Variants in CNTNAP2 observed in about 807,000 individuals in gnomAD.
CNTNAP2 encodes contactin associated protein 2.
A neutral mutation model predicts 155.2 loss-of-function variants in CNTNAP2; 98 were observed. That is an observed-to-expected ratio of 0.63 (90% CI 0.54 to 0.75). The LOEUF (loss-of-function observed/expected upper bound fraction) is 0.75. CNTNAP2 is among the 30% of genes least tolerant of loss of function. The pLI, the probability that CNTNAP2 is intolerant of heterozygous loss-of-function variation, is 0.00. For synonymous variants in CNTNAP2, 651 were observed against 631.2 expected, an observed-to-expected ratio of 1.03 and a Z score of -0.47; for missense variants, 1,727 against 1,688.1, an observed-to-expected ratio of 1.02 and a Z score of -0.40.
intron 9 of CNTNAP2, among the ~76,000 whole-genome samples, chr7:147,386,436 C>T (rs190915992): frequency 6.6e-6 from 1 of 152,258 alleles, no homozygotes; most frequent in East Asian, 1.9e-4. Flanking sequence ...CACGCATTCA[C>T]CCCTCAAATG....
chr7:146,122,236 G>A (rs1295470894), intron 1 of CNTNAP2, among the ~76,000 whole-genome samples: 1 of 152,186 alleles, frequency 6.6e-6, no homozygotes, highest in South Asian at 2.1e-4. Context: ...TCTGCTGAAC[G>A]ATAGATAAAA....
intron 15 of CNTNAP2, among the ~76,000 whole-genome samples, chr7:148,066,750 A>T (rs1803273860): frequency 6.6e-6 from 1 of 151,992 alleles, no homozygotes; most frequent in African/African-American, 2.4e-5. Flanking sequence ...CGCCTGCCTC[A>T]ACCTCCCAAA....
chr7:146,851,047 C>T (rs112259125), intron 3 of CNTNAP2, among the ~76,000 whole-genome samples: 6 of 151,916 alleles, frequency 3.9e-5, no homozygotes, highest in East Asian at 3.9e-4. Flanking sequence ...TGCAGTTTCC[C>T]AATCTCTGCT....
At chr7:147,891,708 T>C (rs760249229) in intron 13 of CNTNAP2, among the ~76,000 whole-genome samples, 3 of 152,018 alleles carry the variant, frequency 2.0e-5, no homozygotes, top group Admixed American at 6.6e-5. Context: ...AATTAGAATA[T>C]AAACTTATAG....
intron 13 of CNTNAP2, among the ~76,000 whole-genome samples, chr7:147,696,134 ATC>A (rs1796157920): frequency 6.6e-6 from 1 of 152,156 alleles, no homozygotes; most frequent in African/African-American, 2.4e-5. Flanking sequence ...CAGTCTGACA[ATC>A]TCTGTCTTTT....
intron 9 of CNTNAP2, among the ~76,000 whole-genome samples, chr7:147,360,210 C>T (rs1796124607): frequency 6.6e-6 from 1 of 152,148 alleles, no homozygotes; most frequent in African/African-American, 2.4e-5. Flanking sequence ...TTTTCATAAA[C>T]TTTATTTATA....
At chr7:146,269,003 CAG>C (rs1800037619) in intron 1 of CNTNAP2, among the ~76,000 whole-genome samples, 1 of 152,134 alleles carries the variant, frequency 6.6e-6, no homozygotes, top group Non-Finnish European at 1.5e-5. Context: ...TGGCCTCTAA[CAG>C]AGATTCTTCA....
chr7:147,087,111 C>T (rs923527191), intron 4 of CNTNAP2, among the ~76,000 whole-genome samples: 3 of 152,160 alleles, frequency 2.0e-5, no homozygotes, highest in Admixed American at 2.0e-4. Context: ...ACCTCTCTTT[C>T]CATTCAAGCT....
intron 3 of CNTNAP2, among the ~76,000 whole-genome samples, chr7:146,843,216 G>T (rs1344564477): frequency 7.2e-6 from 1 of 139,814 alleles, no homozygotes; most frequent in Non-Finnish European, 1.5e-5. Flanking sequence ...GTTTCACCTT[G>T]TTAGCCAGGA....
At chr7:146,433,527 T>G (rs528331394) in intron 1 of CNTNAP2, among the ~76,000 whole-genome samples, 6 of 152,236 alleles carry the variant, frequency 3.9e-5, no homozygotes, top group African/African-American at 1.2e-4. Context: ...CAAATATGTG[T>G]GTACATATAT....
At chr7:147,307,667 A>C (rs868612603) in intron 9 of CNTNAP2, among the ~76,000 whole-genome samples, 1 of 152,158 alleles carries the variant, frequency 6.6e-6, no homozygotes, top group African/African-American at 2.4e-5. Context: ...CTCAAACTGT[A>C]ATTAGATTAA....
At chr7:146,168,962 C>T (rs1166675317) in intron 1 of CNTNAP2, among the ~76,000 whole-genome samples, 1 of 152,220 alleles carries the variant, frequency 6.6e-6, no homozygotes, top group East Asian at 1.9e-4. Context: ...CCCTCCTGCT[C>T]ACTCAGCTCC....
intron 1 of CNTNAP2, among the ~76,000 whole-genome samples, chr7:146,352,750 G>GTTTCTTTTTTTTT (rs1794934502): frequency 1.6e-5 from 1 of 64,338 alleles, no homozygotes; most frequent in African/African-American, 6.4e-5. Context: ...GCATAATTCT[G>GTTTCTTTTTTTTT]TTTTTTTTTT....
chr7:148,363,913 A>G (rs1798676718), intron 21 of CNTNAP2, among the ~76,000 whole-genome samples: 1 of 151,958 alleles, frequency 6.6e-6, no homozygotes, highest in African/African-American at 2.4e-5. Context: ...GCAGCCAGCC[A>G]GCCCTGCTGG....
intron 1 of CNTNAP2, among the ~76,000 whole-genome samples, chr7:146,646,795 G>T (rs1799819670): frequency 1.3e-5 from 2 of 152,094 alleles, no homozygotes; most frequent in Non-Finnish European, 2.9e-5. Flanking sequence ...AAGAGAAGCT[G>T]GTCTTCTGTG....
At chr7:146,404,082 G>A (rs950946348) in intron 1 of CNTNAP2, among the ~76,000 whole-genome samples, 9 of 130,366 alleles carry the variant, frequency 6.9e-5, no homozygotes, top group African/African-American at 1.6e-4. Context: ...CCGAGATCCC[G>A]CCACTGCACT....
chr7:148,235,502 G>A (rs1372080924), intron 20 of CNTNAP2, among the ~76,000 whole-genome samples: 1 of 152,108 alleles, frequency 6.6e-6, no homozygotes, highest in Admixed American at 6.6e-5. Flanking sequence ...GGCACTCTGA[G>A]GACCTGCCAC....
intron 22 of CNTNAP2, among the ~76,000 whole-genome samples, chr7:148,395,933 C>T (rs1016645237): frequency 5.3e-5 from 8 of 152,162 alleles, no homozygotes; most frequent in African/African-American, 1.9e-4. Context: ...CTTTCTTTCC[C>T]TTCATCCCCT....
At chr7:146,793,215 G>C (rs942170176) in intron 2 of CNTNAP2, among the ~76,000 whole-genome samples, 1 of 151,998 alleles carries the variant, frequency 6.6e-6, no homozygotes, top group Admixed American at 6.6e-5. Flanking sequence ...CAACATTTAT[G>C]GTTTAAACAC....
Sources: allele counts gnomAD v4.1 joint callset (sites outside exome capture counted in the v4.1 genomes callset), GRCh38; gene constraint gnomAD v4.1.1; transcripts MANE v1.5; gene names NCBI Gene and HGNC (gene_info 2026-07-23, HGNC 2026-07-21).